COL11A1: variants seen among roughly 807,000 people sequenced by gnomAD.
The protein encoded by COL11A1 is collagen type XI alpha 1 chain, also known as collagen alpha-1(XI) chain.
Under a neutral mutation model 265.2 loss-of-function variants are expected in COL11A1, and 74 were observed. The observed-to-expected ratio is 0.28, with a 90% CI of 0.23 to 0.34. The LOEUF (loss-of-function observed/expected upper bound fraction) is 0.34, where lower values mean the gene tolerates loss of function less well. Among genes scored for constraint, COL11A1 ranks in the 10% least tolerant of loss-of-function variants. The pLI is 1.00. For synonymous variants in COL11A1, 816 were observed against 727.6 expected (o/e 1.12, Z -1.96); for missense variants, 2,165 against 2,263.6 (o/e 0.96, Z 0.88).
chr1:102,926,590 C>T (rs760642795), intron 46 of COL11A1, among the ~76,000 whole-genome samples: 5 of 152,076 alleles, frequency 3.3e-5, no homozygotes, highest in Non-Finnish European at 4.4e-5. Context: ...ACAGAAGTAG[C>T]TGTGGGAAAA....
At chr1:103,020,236 C>A (rs1270867048) in intron 9 of COL11A1, among the ~76,000 whole-genome samples, 1 of 146,770 alleles carries the variant, frequency 6.8e-6, no homozygotes, top group Admixed American at 6.8e-5. Flanking sequence ...TTCTCCACAT[C>A]CTCTCCAGCA....
intron 41 of COL11A1, among the ~76,000 whole-genome samples, chr1:102,954,018 C>T (rs1442822380): frequency 6.6e-6 from 1 of 152,050 alleles, no homozygotes; most frequent in Non-Finnish European, 1.5e-5. Flanking sequence ...TTACAATGAC[C>T]ATAATATCAT....
chr1:103,046,463 T>C, intron 4 of COL11A1, among the ~76,000 whole-genome samples: 1 of 151,856 alleles, frequency 6.6e-6, no homozygotes, highest in Non-Finnish European at 1.5e-5. Context: ...TTAGTTTTTT[T>C]CTTGTAAATT....
At chr1:103,015,299 A>C (rs188467311) in intron 12 of COL11A1, among the ~76,000 whole-genome samples, 1 of 152,140 alleles carries the variant, frequency 6.6e-6, no homozygotes, top group Admixed American at 6.6e-5. Flanking sequence ...GAATAATAAC[A>C]CTACAAATAA....
chr1:103,006,186 T>TAAATAAATAAATAAAC, intron 16 of COL11A1, 65 bp from the exon 17 acceptor site: 1 of 1,165,224 alleles, frequency 8.6e-7, no homozygotes, highest in Non-Finnish European at 1.2e-6. Flanking sequence ...GTAAAATAAA[T>TAAATAAATAAATAAAC]AAATAAATAA....
At chr1:102,995,578 C>G (rs1257193644) in intron 28 of COL11A1, among the ~76,000 whole-genome samples, 1 of 151,180 alleles carries the variant, frequency 6.6e-6, no homozygotes, top group African/African-American at 2.4e-5. Flanking sequence ...TAAGGCCAAC[C>G]CTATGATTAA....
intron 42 of COL11A1, among the ~76,000 whole-genome samples, chr1:102,946,452 G>A (rs1659282744): frequency 6.6e-6 from 1 of 152,050 alleles, no homozygotes; most frequent in Non-Finnish European, 1.5e-5. Flanking sequence ...TATTTTCTAT[G>A]AGTCTTATTT....
chr1:102,979,414 A>C lies in COL11A1; in HGVS notation c.2578T>G (p.Phe860Val). 1 of 1,610,000 alleles carries C rather than the reference A, an allele frequency of 6.2e-7. No individual in the cohort carries two copies. The highest frequency in any genetic ancestry group is 1.1e-5 in the South Asian group (1 of 90,972). The part of the protein sequence containing the change: ...GPKGSTGFPG[F>V]PGANGEKGAR... Reference sequence around the variant, plus strand: ...CCTTTCTCTCCATTGGCACCTGGAAACCCAGGGAATCCAGTGGAACCCTAC... The same window carrying C: ...CCTTTCTCTCCATTGGCACCTGGAACCCCAGGGAATCCAGTGGAACCCTAC... Residue 860 changes from phenylalanine (F) to valine (V), a missense_variant, in exon 32 of 67, where the codon TTT becomes GTT. By Grantham distance (50) the Phe-to-Val change is conservative. Coordinates refer to ENST00000370096, the MANE Select transcript of COL11A1 (RefSeq NM_001854.4).
intron 14 of COL11A1, among the ~76,000 whole-genome samples, chr1:103,011,934 A>C (rs1666164357): frequency 6.6e-6 from 1 of 152,102 alleles, no homozygotes. Context: ...AAGAGAAAAT[A>C]CTCTCTCTAA....
intron 46 of COL11A1, among the ~76,000 whole-genome samples, chr1:102,927,469 C>G (rs1439638504): frequency 1.3e-5 from 2 of 152,110 alleles, no homozygotes; most frequent in Non-Finnish European, 2.9e-5. Context: ...GTAATCCCAG[C>G]ACTTTGGGAG....
rs1303811679 is a variant in COL11A1 at position 102,881,331 on chromosome 1, G to A, written c.5040+366C>T. Among the ~76,000 whole-genome samples the A allele has an allele frequency of 2.6e-5, 4 of 152,092 alleles. No homozygotes were observed. The East Asian group carries it at 7.7e-4, about 29-fold the overall frequency. On this transcript the variant is annotated intron_variant, in intron 65 of 66. Coordinates refer to ENST00000370096, the MANE Select transcript of COL11A1 (RefSeq NM_001854.4). ...ATATGAAGAATAAAGAAGGAATTAG[G>A]TTTCAAGCAGACAGAAAGTGAAATA...
At position 103,026,203 on chromosome 1, in the gene COL11A1, G is replaced by T; in HGVS notation, c.897+13C>A. The stretch of plus-strand genomic sequence containing the variant: ...GCAGGACACCACATACACAGGCACT[G>T]CTTTGTTTTTACCTCCGTCTGTGCT... On this transcript the variant is annotated intron_variant, in intron 6 of 66. Transcript: ENST00000370096. The T allele has an allele frequency of 6.4e-7, 1 of 1,570,652 alleles. No individual in the cohort carries two copies. The highest frequency in any genetic ancestry group is 8.8e-7 in the Non-Finnish European group (1 of 1,140,416).
intron 28 of COL11A1, among the ~76,000 whole-genome samples, chr1:102,994,330 T>A (rs1664420725): frequency 6.6e-6 from 1 of 152,104 alleles, no homozygotes; most frequent in Admixed American, 6.6e-5. Flanking sequence ...TTCCATTGAA[T>A]GGTTTAGCAC....
chr1:103,002,079 T>C, intron 23 of COL11A1, 110 bp from the exon 24 acceptor site: 1 of 932,714 alleles, frequency 1.1e-6, no homozygotes, highest in South Asian at 1.4e-5. Context: ...TAAGAATCTG[T>C]ATATATTCCC....
rs1462597589 is a variant in COL11A1 at position 103,017,870 on chromosome 1, G to A, written c.1363C>T (p.Pro455Ser). Reference sequence around the variant, plus strand: ...CCAGTGGGGCCTTGTAGACCTGGAGGACCCATAATACCCTATAGAGAAACA... The same window carrying A: ...CCAGTGGGGCCTTGTAGACCTGGAGAACCCATAATACCCTATAGAGAAACA... Reference protein sequence around the residue: ...GPAGPAGIMGPPGLQGPTGPP... With the variant: ...GPAGPAGIMGSPGLQGPTGPP... The change falls in exon 11 of 67, where the codon CCT (proline) becomes TCT (serine). Residue 455 changes from proline to serine, a missense_variant. Coordinates refer to ENST00000370096, the MANE Select transcript of COL11A1 (RefSeq NM_001854.4). 2.4e-5 allele frequency: 39 copies of A among 1,612,796 alleles called. No individual in the cohort carries two copies. Among genetic ancestry groups the A allele is most frequent in the Non-Finnish European group, 3.2e-5 (38 of 1,179,000 alleles).
intron 39 of COL11A1, 65 bp downstream of exon 39, chr1:102,962,588 G>T: frequency 7.6e-7 from 1 of 1,319,932 alleles, no homozygotes; most frequent in South Asian, 1.2e-5. Flanking sequence ...GTAGACAAGG[G>T]GTGAGTATAG....
intron 13 of COL11A1, among the ~76,000 whole-genome samples, chr1:103,013,373 T>G (rs1201270201): frequency 6.6e-6 from 1 of 151,900 alleles, no homozygotes; most frequent in Non-Finnish European, 1.5e-5. Context: ...TTCAAGTAGG[T>G]TAAGAGGACT....
intron 28 of COL11A1, among the ~76,000 whole-genome samples, chr1:102,990,633 A>T (rs1448779304): frequency 6.6e-6 from 1 of 152,166 alleles, no homozygotes; most frequent in African/African-American, 2.4e-5. Context: ...AAGAAAAAAA[A>T]ATTAAATTAC....
intron 17 of COL11A1, 66 bp from the exon 18 acceptor site, chr1:103,005,957 C>T: frequency 6.2e-7 from 1 of 1,611,518 alleles, no homozygotes; most frequent in Non-Finnish European, 8.5e-7. Flanking sequence ...ATATGTACTG[C>T]AATTTAAATG....
Sources: gnomAD v4.1 joint callset for allele counts (sites outside exome capture counted in the v4.1 genomes callset) on GRCh38, gnomAD v4.1.1 for gene constraint, MANE v1.5 for transcripts, NCBI Gene and HGNC (gene_info 2026-07-23, HGNC 2026-07-21) for gene names.